Variants in MIER3 observed in about 807,000 individuals in gnomAD.
MIER3 encodes mesoderm induction early response protein 3.
A neutral mutation model predicts 63.2 loss-of-function variants in MIER3; 9 were observed. That is an observed-to-expected ratio of 0.14 (90% CI 0.09 to 0.25). The LOEUF is 0.25. MIER3 is among the 10% of genes least tolerant of loss of function. The pLI is 1.00. For missense variants in MIER3, 512 were observed against 666.2 expected, an observed-to-expected ratio of 0.77 and a Z score of 2.55; for synonymous variants, 205 against 224.9, an observed-to-expected ratio of 0.91 and a Z score of 0.79.
chr5:56,946,603 T>C (rs939021516), intron 3 of MIER3, among the ~76,000 whole-genome samples: 7 of 152,156 alleles, frequency 4.6e-5, no homozygotes, highest in African/African-American at 1.7e-4. Flanking sequence ...CTTAGCAGAA[T>C]AGTAGTTACA....
chr5:56,936,596 A>G (rs1002419801), intron 5 of MIER3, among the ~76,000 whole-genome samples: 9 of 151,984 alleles, frequency 5.9e-5, no homozygotes, highest in African/African-American at 1.9e-4. Context: ...CTGTGACCTC[A>G]AAGTCCTGAG....
In MIER3 at chr5:56,923,348, G is replaced by T; in HGVS notation, c.1433C>A (p.Pro478Gln). 3 of 1,614,108 alleles carry T rather than the reference G, an allele frequency of 1.9e-6. No individual in the cohort carries two copies. The highest frequency in any genetic ancestry group is 2.5e-6 in the Non-Finnish European group (3 of 1,180,020). ...AATGCCCATTTTCAATCTTTTTGCT[G>T]GTCTCTCTGACTCTTCACTGCACAT... ...MNMCSEESER[P>Q]AKRLKMGIAV... The change falls in exon 13 of 13, where the codon CCA becomes CAA. Residue 478 changes from proline (P) to glutamine (Q), a missense_variant. Coordinates refer to ENST00000381199, the MANE Select transcript of MIER3 (RefSeq NM_001297599.2).
intron 5 of MIER3, among the ~76,000 whole-genome samples, chr5:56,936,461 TAA>T (rs959044127): frequency 5.5e-5 from 8 of 145,272 alleles, no homozygotes; most frequent in African/African-American, 1.8e-4. Context: ...TAAAAATACC[TAA>T]AAAAAAAAAG....
chr5:56,929,545 A>T (rs1374242889), intron 9 of MIER3: 1 of 152,214 alleles, frequency 6.6e-6, no homozygotes, highest in Non-Finnish European at 1.5e-5. Context: ...AGCCTGGGAG[A>T]CAGAGTGAGA....
intron 3 of MIER3, among the ~76,000 whole-genome samples, chr5:56,939,299 T>C (rs900934596): frequency 1.3e-5 from 2 of 151,028 alleles, no homozygotes; most frequent in Non-Finnish European, 3.0e-5. Flanking sequence ...CTTTAGTGCC[T>C]TTTTTTTTGC....
At chr5:56,943,843 G>GTATAC (rs1375160316) in intron 3 of MIER3, among the ~76,000 whole-genome samples, 1 of 151,988 alleles carries the variant, frequency 6.6e-6, no homozygotes, top group African/African-American at 2.4e-5. Flanking sequence ...CCTTATCCCG[G>GTATAC]GTATAAGGAT....
At chr5:56,942,733 T>G (rs1300750664) in intron 3 of MIER3, among the ~76,000 whole-genome samples, 2 of 152,100 alleles carry the variant, frequency 1.3e-5, no homozygotes, top group African/African-American at 2.4e-5. Context: ...AAAAGTAGGA[T>G]TACTTAAATT....
At chr5:56,944,087 G>GCACT (rs1318825015) in intron 3 of MIER3, among the ~76,000 whole-genome samples, 1 of 152,058 alleles carries the variant, frequency 6.6e-6, no homozygotes, top group Non-Finnish European at 1.5e-5. Flanking sequence ...ATCCTATGAT[G>GCACT]CACTCCCTCA....
chr5:56,931,573 A>G (rs1750268501), intron 8 of MIER3, among the ~76,000 whole-genome samples: 1 of 152,208 alleles, frequency 6.6e-6, no homozygotes, highest in African/African-American at 2.4e-5. Flanking sequence ...CTAATTTTAA[A>G]AAGAAAAAAC....
rs1013869969 is a variant in MIER3, at chr5:56,920,921, A to C, written c.*2207T>G. On this transcript the variant is annotated 3_prime_UTR_variant, in exon 13 of 13. Transcript: ENST00000381199. The stretch of plus-strand genomic sequence containing the variant: ...GGCTAAAATCAGATTGACATTTAAA[A>C]ATCTATTAAACTAGCTGGAATTTAT... The C allele has an allele frequency of 3.3e-5, 5 of 152,668 alleles. No homozygotes were observed. The highest frequency in any genetic ancestry group is 3.9e-4 in the East Asian group (2 of 5,190). 9.5% of individuals were successfully genotyped at this position (152,668 alleles called of 1,614,324 possible).
At chr5:56,938,410 G>A (rs1354956173) in intron 4 of MIER3, 8 of 469,390 alleles carry the variant, frequency 1.7e-5, no homozygotes, top group African/African-American at 1.6e-4. Flanking sequence ...CCTCAGCAGG[G>A]ACTAGGCCTC....
At chr5:56,924,190 T>A in intron 10 of MIER3, 148 bp from the exon 11 acceptor site, 1 of 769,792 alleles carries the variant, frequency 1.3e-6, no homozygotes, top group Non-Finnish European at 1.9e-6. Flanking sequence ...TATAAAGTTC[T>A]GAACACTTTG....
intron 3 of MIER3, among the ~76,000 whole-genome samples, chr5:56,946,122 T>A (rs1304472210): frequency 3.9e-5 from 6 of 152,172 alleles, no homozygotes; most frequent in Non-Finnish European, 7.4e-5. Flanking sequence ...CACTCCTGCC[T>A]CACAAAGCTA....
rs535924990 is a variant in MIER3, at chr5:56,921,794, A to AT, written c.*1333dup. 9 of 152,644 alleles carry AT rather than the reference A, an allele frequency of 5.9e-5. No homozygotes were observed. The highest frequency in any genetic ancestry group is 1.2e-4 in the Non-Finnish European group (8 of 68,034). The allele number at this position is 152,644 out of a possible 1,614,324, so 9.5% of individuals were successfully genotyped here. A position where few individuals can be genotyped will look rare whatever the true frequency, so the allele number is the denominator to read the frequency against. Reference sequence around the variant, plus strand: ...GACGGTGCAAACAACATAATTCTCTATTTTAACAGTACTACAAAAGCAAAG... The same window carrying AT: ...GACGGTGCAAACAACATAATTCTCTATTTTTAACAGTACTACAAAAGCAAAG... On this transcript the variant is annotated 3_prime_UTR_variant, in exon 13 of 13. Transcript: ENST00000381199.
intron 9 of MIER3, among the ~76,000 whole-genome samples, chr5:56,929,901 A>G (rs1750198073): frequency 6.6e-6 from 1 of 152,192 alleles, no homozygotes; most frequent in Non-Finnish European, 1.5e-5. Flanking sequence ...GCAGTCCGTA[A>G]TAAAGGTGAA....
chr5:56,927,200 T>C (rs1168997218), intron 10 of MIER3, among the ~76,000 whole-genome samples: 1 of 152,132 alleles, frequency 6.6e-6, no homozygotes, highest in Non-Finnish European at 1.5e-5. Flanking sequence ...CCAAAATCAA[T>C]GGAATGTACA....
intron 10 of MIER3, among the ~76,000 whole-genome samples, chr5:56,924,431 T>TCC (rs996331773): frequency 1.3e-5 from 2 of 152,116 alleles, no homozygotes; most frequent in African/African-American, 4.8e-5. Context: ...CCCTGAGGGG[T>TCC]CCATAAATGG....
intron 9 of MIER3, 86 bp downstream of exon 9, chr5:56,930,578 C>T (rs1750225857): frequency 9.2e-7 from 1 of 1,082,236 alleles, no homozygotes; most frequent in East Asian, 2.4e-5. Flanking sequence ...TACAGGATTG[C>T]TCTGTCCCTT....
intron 1 of MIER3, among the ~76,000 whole-genome samples, chr5:56,951,797 T>G (rs1751043744): frequency 6.6e-6 from 1 of 151,178 alleles, no homozygotes; most frequent in African/African-American, 2.4e-5. Context: ...CACTGCCTCG[T>G]CCCTGGGGCA....
Sources: allele counts gnomAD v4.1 joint callset (sites outside exome capture counted in the v4.1 genomes callset), GRCh38; gene constraint gnomAD v4.1.1; transcripts MANE v1.5; gene names NCBI Gene and HGNC (gene_info 2026-07-23, HGNC 2026-07-21).